Variants in UNC13C observed in about 807,000 individuals in gnomAD.
The protein encoded by UNC13C is protein unc-13 homolog C.
In UNC13C, 174 loss-of-function variants were observed where a neutral mutation model predicts 245.4. That is an observed-to-expected ratio of 0.71 (90% CI 0.63 to 0.80). The LOEUF is 0.80. Among genes scored for constraint, UNC13C ranks in the 30% least tolerant of loss-of-function variants. The pLI, the probability that UNC13C is intolerant of heterozygous loss-of-function variation, is 0.00. For missense variants in UNC13C, 2,829 were observed against 2,602.9 expected, an observed-to-expected ratio of 1.09 and a Z score of -1.89; for synonymous variants, 992 against 895.1, an observed-to-expected ratio of 1.11 and a Z score of -1.93.
At chr15:54,500,639 A>G (rs1450814311) in intron 21 of UNC13C, among the ~76,000 whole-genome samples, 196 bp from the exon 22 acceptor site, 2 of 152,168 alleles carry the variant, frequency 1.3e-5, no homozygotes, top group Non-Finnish European at 2.9e-5. Context: ...AATTAGCAGT[A>G]GCTTGCCCCA....
At chr15:54,495,871 T>C (rs1050435763) in intron 20 of UNC13C, among the ~76,000 whole-genome samples, 5 of 151,744 alleles carry the variant, frequency 3.3e-5, no homozygotes, top group African/African-American at 9.7e-5. Context: ...TCATACAAAG[T>C]ATATAAGAAG....
intron 2 of UNC13C, among the ~76,000 whole-genome samples, chr15:54,101,906 G>A (rs984901654): frequency 6.6e-6 from 1 of 151,502 alleles, no homozygotes; most frequent in Non-Finnish European, 1.5e-5. Flanking sequence ...CTTATACTTG[G>A]GTAACCTAGA....
At chr15:54,485,262 A>G (rs1416891701) in intron 19 of UNC13C, among the ~76,000 whole-genome samples, 1 of 152,204 alleles carries the variant, frequency 6.6e-6, no homozygotes, top group Admixed American at 6.5e-5. Context: ...ACATTCTTTC[A>G]TCCATTTATC....
chr15:54,366,064 C>G (rs1490518951), intron 17 of UNC13C, among the ~76,000 whole-genome samples: 1 of 152,094 alleles, frequency 6.6e-6, no homozygotes, highest in Non-Finnish European at 1.5e-5. Context: ...TGGGATATTG[C>G]TTGGATATAT....
At chr15:54,163,417 A>G (rs1187624100) in intron 4 of UNC13C, among the ~76,000 whole-genome samples, 1 of 152,148 alleles carries the variant, frequency 6.6e-6, no homozygotes, top group Non-Finnish European at 1.5e-5. Flanking sequence ...TTCTTTTGTT[A>G]TAAGCCATTA....
chr15:53,986,424 A>T (rs1894145517), intron 1 of UNC13C, among the ~76,000 whole-genome samples: 1 of 152,090 alleles, frequency 6.6e-6, no homozygotes, highest in African/African-American at 2.4e-5. Context: ...CTTATAGTTG[A>T]TTCCACTTCT....
intron 29 of UNC13C, among the ~76,000 whole-genome samples, chr15:54,559,134 A>T (rs1002868721): frequency 6.6e-6 from 1 of 152,050 alleles, no homozygotes; most frequent in African/African-American, 2.4e-5. Flanking sequence ...AACAATAAAC[A>T]TGTGAATCAG....
At chr15:54,449,498 TTC>T (rs1891041722) in intron 19 of UNC13C, among the ~76,000 whole-genome samples, 1 of 152,192 alleles carries the variant, frequency 6.6e-6, no homozygotes, top group Non-Finnish European at 1.5e-5. Flanking sequence ...TTCTCTAAAC[TTC>T]TCTTCTCGCT....
Position 54,302,298 on chromosome 15 carries a change from G to T in UNC13C, c.4268+1925G>T, listed in dbSNP as rs151043612. 5.2e-3 allele frequency among the ~76,000 whole-genome samples: 786 copies of T among 152,180 alleles called. 5 individuals are homozygous for T. Among genetic ancestry groups the T allele is most frequent in the African/African-American group, 0.018 (743 of 41,532 alleles). ...GTGCAGAAGCTCTTTAGTTTAATTA[G>T]ATCCCATTTGTCAATTTTGGCTTTT... is the stretch of plus-strand genomic sequence containing the variant. On this transcript the variant is annotated intron_variant, in intron 13 of 32. Transcript: ENST00000260323.
the UNC13C span, among the ~76,000 whole-genome samples, chr15:53,959,515 A>C: frequency 6.6e-6 from 1 of 151,948 alleles, no homozygotes; most frequent in Non-Finnish European, 1.5e-5. Flanking sequence ...ATCCTTGTTC[A>C]TGCTCGTGTT....
the UNC13C span, among the ~76,000 whole-genome samples, chr15:53,864,552 G>A: frequency 3.4e-4 from 51 of 152,198 alleles, no homozygotes; most frequent in African/African-American, 1.2e-3. Context: ...GCCTCAAGTA[G>A]TTCCTGTGAA....
chr15:54,166,526 C>A (rs1159267850), intron 4 of UNC13C, among the ~76,000 whole-genome samples: 1 of 151,848 alleles, frequency 6.6e-6, no homozygotes, highest in Non-Finnish European at 1.5e-5. Context: ...GGCAATTAGG[C>A]AAGAAAAATG....
In UNC13C at chr15:54,158,468, C is replaced by T. The variant is rs939077741; in HGVS notation, c.3071+14784C>T. On this transcript the variant is annotated intron_variant, in intron 4 of 32. Coordinates refer to ENST00000260323, the MANE Select transcript of UNC13C (RefSeq NM_001080534.3). The stretch of plus-strand genomic sequence containing the variant: ...TCAGTAGCCTGGGGCTACAGGCGCC[C>T]GCCACCATGCCCAGCTAATTTTTTG... Among the ~76,000 whole-genome samples the T allele has an allele frequency of 6.6e-5, 10 of 152,008 alleles. No homozygotes were observed. The South Asian group carries it at 8.3e-4, about 13-fold the overall frequency.
chr15:53,873,486 G>T, the UNC13C span, among the ~76,000 whole-genome samples: 3 of 152,148 alleles, frequency 2.0e-5, no homozygotes, highest in African/African-American at 7.2e-5. Context: ...TTGTGAGCTT[G>T]GGAGCTGCTC....
intron 18 of UNC13C, among the ~76,000 whole-genome samples, chr15:54,398,321 ATC>A (rs1278256338): frequency 2.0e-5 from 3 of 151,350 alleles, no homozygotes; most frequent in African/African-American, 7.2e-5. Flanking sequence ...TTGATGTATA[ATC>A]TTTCCTACAT....
chr15:54,294,163 C>T, intron 11 of UNC13C, 99 bp downstream of exon 11: 1 of 1,030,820 alleles, frequency 9.7e-7, no homozygotes, highest in Admixed American at 3.0e-5. Context: ...TAACCAATGC[C>T]TTTCCAGGAC....
chr15:54,159,431 C>T (rs915173077), intron 4 of UNC13C, among the ~76,000 whole-genome samples: 1 of 152,212 alleles, frequency 6.6e-6, no homozygotes, highest in African/African-American at 2.4e-5. Flanking sequence ...TACAAAAGCA[C>T]TGTTTGTCCT....
chr15:54,206,955 A>G (rs1021230643), intron 4 of UNC13C, among the ~76,000 whole-genome samples: 5 of 152,100 alleles, frequency 3.3e-5, no homozygotes, highest in African/African-American at 4.8e-5. Flanking sequence ...TTGTTAAAAT[A>G]TAACCCATTC....
rs954727664 is a variant in UNC13C at position 54,168,382 on chromosome 15, T to A, written c.3071+24698T>A. Among the ~76,000 whole-genome samples, 3 of 152,338 alleles carry A rather than the reference T, an allele frequency of 2.0e-5. No individual in the cohort carries two copies. The East Asian group carries it at 5.8e-4, about 29-fold the overall frequency. Reference sequence around the variant, plus strand: ...AAATATAGTTATGCAATGTGTAATTTTATGTTTACATTCATTGTTAAATTT... The same window carrying A: ...AAATATAGTTATGCAATGTGTAATTATATGTTTACATTCATTGTTAAATTT... On this transcript the variant is annotated intron_variant, in intron 4 of 32. Coordinates refer to ENST00000260323, the MANE Select transcript of UNC13C (RefSeq NM_001080534.3).
Sources: gnomAD v4.1 joint callset for allele counts (sites outside exome capture counted in the v4.1 genomes callset) on GRCh38, gnomAD v4.1.1 for gene constraint, MANE v1.5 for transcripts, NCBI Gene and HGNC (gene_info 2026-07-23, HGNC 2026-07-21) for gene names.